PECAM1: variants seen among roughly 807,000 people sequenced by gnomAD.
PECAM1 encodes platelet and endothelial cell adhesion molecule 1, also known as platelet endothelial cell adhesion molecule.
Under a neutral mutation model 13.8 loss-of-function variants are expected in PECAM1, and 8 were observed. The observed-to-expected ratio is 0.58, with a 90% CI of 0.34 to 1.05. The LOEUF is 1.05. Among genes scored for constraint, PECAM1 ranks in the 50% least tolerant of loss-of-function variants. The pLI is 0.03. For synonymous variants in PECAM1, 136 were observed against 52.6 expected (o/e 2.58, Z -6.86); for missense variants, 304 against 141.2 (o/e 2.15, Z -5.84).
intron 4 of PECAM1, among the ~76,000 whole-genome samples, chr17:64,373,809 A>C (rs2143861153): frequency 6.6e-6 from 1 of 152,228 alleles, no homozygotes; most frequent in East Asian, 1.9e-4. Context: ...ACAAAATGTA[A>C]GTTTCCTATT....
At chr17:64,388,657 G>GTTCT (rs1267037544) in intron 2 of PECAM1, among the ~76,000 whole-genome samples, 22 of 151,928 alleles carry the variant, frequency 1.4e-4, no homozygotes, top group Non-Finnish European at 2.2e-4. Flanking sequence ...GGACAAATCG[G>GTTCT]TTCTTTCTTT....
At chr17:64,349,085 G>A (rs1472297387) in intron 12 of PECAM1, among the ~76,000 whole-genome samples, 2 of 152,186 alleles carry the variant, frequency 1.3e-5, no homozygotes, top group Admixed American at 6.5e-5. Flanking sequence ...AAGACTGAGA[G>A]GATTTCGGGA....
Position 64,360,382 on chromosome 17 carries a change from G to A in PECAM1, c.1250C>T (p.Ala417Val), listed in dbSNP as rs1192898609. The A allele has an allele frequency of 1.3e-5, 6 of 475,192 alleles. No homozygotes were observed. Among genetic ancestry groups the A allele is most frequent in the Non-Finnish European group, 2.3e-5 (6 of 259,036 alleles). The allele number at this position is 475,192 out of a possible 1,614,324, so 29.4% of individuals were successfully genotyped here. A position where few individuals can be genotyped will look rare whatever the true frequency, so the allele number is the denominator to read the frequency against. The change falls in exon 7 of 16, where the codon GCC (alanine) becomes GTC (valine). Residue 417 changes from alanine to valine, a missense_variant. Coordinates refer to ENST00000563924, the MANE Select transcript of PECAM1 (RefSeq NM_000442.5). ...MLSQPRISYD[A>V]QFEVIKGQTI... is the part of the protein sequence containing the mutation. ...CTGTCCTTTTATGACCTCAAACTGG[G>A]CATCATAAGAAATCCTGGGCTGGGA...
intron 14 of PECAM1, among the ~76,000 whole-genome samples, chr17:64,333,107 C>T (rs959077961): frequency 2.0e-5 from 3 of 152,278 alleles, no homozygotes; most frequent in East Asian, 3.9e-4. Flanking sequence ...GAACCAAGAT[C>T]GTGCTATTGC....
At chr17:64,327,578 G>A (rs1568000071) in intron 15 of PECAM1, among the ~76,000 whole-genome samples, 1 of 152,128 alleles carries the variant, frequency 6.6e-6, no homozygotes, top group Non-Finnish European at 1.5e-5. Flanking sequence ...AAGAAGGCAG[G>A]GTCCTTTCCA....
At chr17:64,334,064 G>A (rs1216875832) in intron 14 of PECAM1, among the ~76,000 whole-genome samples, 1 of 149,078 alleles carries the variant, frequency 6.7e-6, no homozygotes, top group African/African-American at 2.5e-5. Flanking sequence ...CCAGTGCTGT[G>A]TCCATCCCCT....
intron 3 of PECAM1, among the ~76,000 whole-genome samples, chr17:64,377,191 T>C (rs974973640): frequency 5.4e-4 from 82 of 152,228 alleles, no homozygotes; most frequent in African/African-American, 2.0e-3. Context: ...GAACGAGGTG[T>C]CTTAACACAC....
chr17:64,336,446 A>AGAG (rs2035278123), intron 14 of PECAM1, among the ~76,000 whole-genome samples: 1 of 152,038 alleles, frequency 6.6e-6, no homozygotes, highest in Non-Finnish European at 1.5e-5. Context: ...CCCCAGGCAG[A>AGAG]GAGGAGGGAA....
At chr17:64,367,776 C>T (rs2036145126) in intron 5 of PECAM1, among the ~76,000 whole-genome samples, 2 of 152,066 alleles carry the variant, frequency 1.3e-5, no homozygotes, top group African/African-American at 2.4e-5. Context: ...AGTTGCCCAG[C>T]ATACAGAAAA....
chr17:64,322,174 T>G lies in PECAM1; in HGVS notation c.*1642A>C. 6.6e-6 allele frequency: 5 copies of G among 761,464 alleles called. No individual in the cohort carries two copies. The highest frequency in any genetic ancestry group is 8.1e-6 in the Non-Finnish European group (5 of 620,470). 47.2% of individuals were successfully genotyped at this position (761,464 alleles called of 1,614,324 possible). Reference sequence around the variant, plus strand: ...GACAAGGCGGGCAGATCACCAAAGGTCAGGCATTCGAGATCAGCCTGGCCA... The same window carrying G: ...GACAAGGCGGGCAGATCACCAAAGGGCAGGCATTCGAGATCAGCCTGGCCA... On this transcript the variant is annotated 3_prime_UTR_variant, in exon 16 of 16. Transcript: ENST00000563924.
chr17:64,378,181 C>A, intron 2 of PECAM1, 64 bp from the exon 3 acceptor site: 1 of 433,984 alleles, frequency 2.3e-6, no homozygotes, highest in Non-Finnish European at 4.2e-6. Flanking sequence ...ATCCCGGTGA[C>A]CTTCACCACA....
chr17:64,339,047 T>C (rs1013821802), intron 14 of PECAM1, among the ~76,000 whole-genome samples: 98 of 152,310 alleles, frequency 6.4e-4, no homozygotes, highest in Non-Finnish European at 1.2e-3. Context: ...AGTTTTTCCC[T>C]AGAATCCACA....
chr17:64,360,468 T>C (rs2035946950), intron 6 of PECAM1, 53 bp from the exon 7 acceptor site: 3 of 465,822 alleles, frequency 6.4e-6, no homozygotes, highest in African/African-American at 4.0e-5. Context: ...AAGCAAAGCA[T>C]CCAGCACAAG....
chr17:64,364,670 C>T (rs1406147902), intron 5 of PECAM1, among the ~76,000 whole-genome samples: 17 of 143,462 alleles, frequency 1.2e-4, no homozygotes, highest in South Asian at 2.3e-4. Context: ...GTTCAATATA[C>T]ACAAATCAAT....
chr17:64,383,386 T>C (rs2036525211), intron 2 of PECAM1, among the ~76,000 whole-genome samples: 1 of 151,912 alleles, frequency 6.6e-6, no homozygotes, highest in Non-Finnish European at 1.5e-5. Context: ...ACCTAAACAG[T>C]GACTGCGCCA....
intron 6 of PECAM1, among the ~76,000 whole-genome samples, chr17:64,361,753 C>CAAAAAAAAAAAAAAAAAAAAAAAAAAA: frequency 1.5e-5 from 1 of 68,136 alleles, no homozygotes; most frequent in Non-Finnish European, 2.5e-5. Context: ...AACTCCATCT[C>CAAAAAAAAAAAAAAAAAAAAAAAAAAA]AAAAAAAAAA....
chr17:64,389,910 TG>T (rs2036679043), intron 2 of PECAM1, among the ~76,000 whole-genome samples: 1 of 152,004 alleles, frequency 6.6e-6, no homozygotes, highest in African/African-American at 2.4e-5. Flanking sequence ...TAGCCGGGCC[TG>T]GTGGCATGCG....
At chr17:64,371,806 G>A (rs2036246803) in intron 4 of PECAM1, among the ~76,000 whole-genome samples, 1 of 152,184 alleles carries the variant, frequency 6.6e-6, no homozygotes, top group South Asian at 2.1e-4. Context: ...CTCCAGCCTG[G>A]GCGACAGAGT....
chr17:64,329,937 C>T (rs2035061099), intron 14 of PECAM1, among the ~76,000 whole-genome samples: 1 of 152,108 alleles, frequency 6.6e-6, no homozygotes, highest in African/African-American at 2.4e-5. Context: ...GCATAAAGTC[C>T]CTGGCACTTC....
Sources: allele counts gnomAD v4.1 joint callset (sites outside exome capture counted in the v4.1 genomes callset), GRCh38; gene constraint gnomAD v4.1.1; transcripts MANE v1.5; gene names NCBI Gene and HGNC (gene_info 2026-07-23, HGNC 2026-07-21).